PDE8B: variants seen among roughly 807,000 people sequenced by gnomAD.
PDE8B encodes the protein high affinity cAMP-specific and IBMX-insensitive 3',5'-cyclic phosphodiesterase 8B.
A neutral mutation model predicts 101.3 loss-of-function variants in PDE8B; 26 were observed. That is an observed-to-expected ratio of 0.26 (90% CI 0.19 to 0.36). The LOEUF is 0.36. Ranked by LOEUF, PDE8B falls within the 10% of genes least tolerant of loss-of-function variation. The pLI is 1.00. For synonymous variants in PDE8B, 424 were observed against 429.3 expected, an observed-to-expected ratio of 0.99 and a Z score of 0.15; for missense variants, 810 against 1,163.1, an observed-to-expected ratio of 0.70 and a Z score of 4.42.
At chr5:77,355,172 T>TG (rs961092063) in intron 10 of PDE8B, among the ~76,000 whole-genome samples, 5 of 151,948 alleles carry the variant, frequency 3.3e-5, no homozygotes, top group African/African-American at 1.2e-4. Flanking sequence ...GATACAGGGG[T>TG]GGGGGGCCAC....
intron 1 of PDE8B, among the ~76,000 whole-genome samples, chr5:77,250,202 C>G (rs565011913): frequency 1.3e-5 from 2 of 152,338 alleles, no homozygotes; most frequent in Admixed American, 1.3e-4. Context: ...TTCATCTTCA[C>G]AGCAACTCTG....
intron 6 of PDE8B, among the ~76,000 whole-genome samples, chr5:77,341,202 C>T (rs1290983380): frequency 6.6e-6 from 1 of 152,044 alleles, no homozygotes; most frequent in African/African-American, 2.4e-5. Flanking sequence ...TTAAATAGAA[C>T]CATCAACCAA....
the PDE8B span, chr5:77,180,524 C>A: frequency 3.1e-6 from 3 of 980,760 alleles, no homozygotes; most frequent in African/African-American, 5.3e-5. Context: ...AGCCCTCGGC[C>A]GCCCCCTCAC....
At chr5:77,178,490 A>G in the PDE8B span, among the ~76,000 whole-genome samples, 1 of 152,178 alleles carries the variant, frequency 6.6e-6, no homozygotes, top group Non-Finnish European at 1.5e-5. Flanking sequence ...TAAAAAGACT[A>G]TGAGTGTGAA....
chr5:77,314,277 G>C (rs192252737), intron 2 of PDE8B, among the ~76,000 whole-genome samples: 1 of 152,024 alleles, frequency 6.6e-6, no homozygotes, highest in Non-Finnish European at 1.5e-5. Context: ...ACACTGTCTC[G>C]ATTAGTGTAA....
chr5:77,354,116 A>G (rs1344558459), intron 10 of PDE8B, among the ~76,000 whole-genome samples: 1 of 152,228 alleles, frequency 6.6e-6, no homozygotes, highest in African/African-American at 2.4e-5. Context: ...AGTATCTCTA[A>G]AGGATTTCAA....
At position 77,404,725 on chromosome 5, in the gene PDE8B, C is replaced by T; in HGVS notation, c.1216C>T (p.His406Tyr). 9 of 1,581,400 alleles carry T rather than the reference C, an allele frequency of 5.7e-6. No individual in the cohort carries two copies. The highest frequency in any genetic ancestry group is 1.7e-5 in the Admixed American group (1 of 59,974). ...TTCTAATCTGAAATCCTTAGAGCCT[C>T]ATTCATTCAGATATAAGAACAGGAG... Reference protein sequence around the residue: ...DSGDNSQTEPHSFRYKNRRKE... With the variant: ...DSGDNSQTEPYSFRYKNRRKE... Residue 406 changes from histidine (H) to tyrosine (Y), a missense_variant, in exon 12 of 22, where the codon CAT (histidine) becomes TAT (tyrosine). Around this residue, in one of 4 missense-constraint regions of PDE8B, gnomAD observed 75 missense variants for 76.9 expected, o/e 0.98. Coordinates refer to ENST00000264917, the MANE Select transcript of PDE8B (RefSeq NM_003719.5).
At chr5:77,425,633 C>T (rs1053065895) in intron 20 of PDE8B, 134 bp from the exon 21 acceptor site, 1 of 864,776 alleles carries the variant, frequency 1.2e-6, no homozygotes. Flanking sequence ...AGTCTGAGGA[C>T]CTTGCTGAGC....
At chr5:77,337,988 G>A (rs1778503719) in intron 6 of PDE8B, among the ~76,000 whole-genome samples, 1 of 152,146 alleles carries the variant, frequency 6.6e-6, no homozygotes, top group South Asian at 2.1e-4. Flanking sequence ...CTCCACTCTG[G>A]CAGGCTTTTT....
the PDE8B span, among the ~76,000 whole-genome samples, chr5:77,143,006 G>A: frequency 6.6e-6 from 1 of 152,134 alleles, no homozygotes; most frequent in Non-Finnish European, 1.5e-5. Flanking sequence ...GTTGGGGACT[G>A]TGGGAAGATC....
intron 1 of PDE8B, among the ~76,000 whole-genome samples, chr5:77,242,281 T>C (rs1046352399): frequency 3.3e-5 from 5 of 152,180 alleles, no homozygotes; most frequent in African/African-American, 1.2e-4. Context: ...CCTGAGTCCT[T>C]AGTTCTGGCA....
At chr5:77,270,838 G>A (rs1346353547) in intron 1 of PDE8B, among the ~76,000 whole-genome samples, 1 of 152,234 alleles carries the variant, frequency 6.6e-6, no homozygotes, top group Non-Finnish European at 1.5e-5. Flanking sequence ...TCCAGCTCCT[G>A]ACCAGGCTTA....
intron 2 of PDE8B, among the ~76,000 whole-genome samples, chr5:77,322,516 G>A (rs370230522): frequency 2.6e-3 from 403 of 152,124 alleles, no homozygotes; most frequent in African/African-American, 7.2e-3. Flanking sequence ...CCACCCTTTT[G>A]CCCTCACACC....
chr5:77,413,961 C>T (rs1486906585), intron 17 of PDE8B, among the ~76,000 whole-genome samples: 3 of 152,198 alleles, frequency 2.0e-5, no homozygotes, highest in Non-Finnish European at 4.4e-5. Flanking sequence ...TCCTCCCCAG[C>T]TACCATCACT....
chr5:77,283,599 T>TCCA (rs1765441626), intron 1 of PDE8B, among the ~76,000 whole-genome samples: 1 of 152,244 alleles, frequency 6.6e-6, no homozygotes, highest in South Asian at 2.1e-4. Flanking sequence ...CCTTTTCGGA[T>TCCA]TGACTTGACT....
chr5:77,426,624 C>T lies in PDE8B; in HGVS notation c.*70C>T, dbSNP rs78676901. 0.039 allele frequency: 30,950 copies of T among 791,858 alleles called. 819 individuals carry two copies. The highest frequency in any genetic ancestry group is 0.091 in the Middle Eastern group (387 of 4,264). 49.1% of individuals were successfully genotyped at this position (791,858 alleles called of 1,614,324 possible). A position where few individuals can be genotyped will look rare whatever the true frequency, so the allele number is the denominator to read the frequency against. On this transcript the variant is annotated 3_prime_UTR_variant, in exon 22 of 22. Transcript: ENST00000264917. ...GAATCACAGTAGCGTAAACGAGAGG[C>T]CTTCCTTTCTAATGACAATGACAGG...
At chr5:77,252,584 G>T (rs569189800) in intron 1 of PDE8B, among the ~76,000 whole-genome samples, 1 of 152,290 alleles carries the variant, frequency 6.6e-6, no homozygotes, top group East Asian at 1.9e-4. Context: ...AAGAAGATTG[G>T]TTGCCCTATT....
In PDE8B at chr5:77,412,137, A is replaced by G. The variant is rs1349674769; in HGVS notation, c.1614A>G (p.Ile538Met). Reference sequence around the variant, plus strand: ...GTCACAGTCACCTTGCAATGCCAATAACCATCAATGATGTTCCCCCTTGTA... The same window carrying G: ...GTCACAGTCACCTTGCAATGCCAATGACCATCAATGATGTTCCCCCTTGTA... ...HQSHSHLAMP[I>M]TINDVPPCIS... is the part of the protein sequence containing the mutation. Residue 538 changes from isoleucine to methionine, a missense_variant, in exon 16 of 22, where the codon ATA (isoleucine) becomes ATG (methionine). Around this residue, in one of 4 missense-constraint regions of PDE8B, gnomAD observed 325 missense variants for 560.9 expected, o/e 0.58. Transcript: ENST00000264917. 1 of 1,613,964 alleles carries G rather than the reference A, an allele frequency of 6.2e-7. No individual in the cohort carries two copies.
At chr5:77,365,485 C>A (rs1783945979) in intron 10 of PDE8B, among the ~76,000 whole-genome samples, 1 of 152,142 alleles carries the variant, frequency 6.6e-6, no homozygotes, top group Non-Finnish European at 1.5e-5. Context: ...AAGACCAGGC[C>A]ACTGTGGAAC....
Sources: gnomAD v4.1 joint callset for allele counts (sites outside exome capture counted in the v4.1 genomes callset) on GRCh38, gnomAD v4.1.1 for gene constraint, gnomAD v4.1.1 regional missense constraint, MANE v1.5 for transcripts, NCBI Gene and HGNC (gene_info 2026-07-23, HGNC 2026-07-21) for gene names.